Variants in SGCZ observed in about 807,000 individuals in gnomAD.
SGCZ encodes the protein zeta-sarcoglycan.
A neutral mutation model predicts 41.3 loss-of-function variants in SGCZ; 40 were observed. The observed-to-expected ratio is 0.97, with a 90% CI of 0.75 to 1.26. The LOEUF is 1.26. SGCZ is among the 50% of genes most tolerant of loss of function. The probability of loss-of-function intolerance (pLI) is 0.00; values close to 1 mark genes in which losing one functional copy is unlikely to be tolerated. For missense variants in SGCZ, 552 were observed against 369.8 expected, an observed-to-expected ratio of 1.49 and a Z score of -4.04; for synonymous variants, 206 against 137.5, an observed-to-expected ratio of 1.50 and a Z score of -3.49.
chr8:14,255,418 C>T (rs1799425898), intron 3 of SGCZ, among the ~76,000 whole-genome samples: 1 of 152,120 alleles, frequency 6.6e-6, no homozygotes, highest in Non-Finnish European at 1.5e-5. Flanking sequence ...ACACAATATA[C>T]TTGTCCTTTT....
intron 1 of SGCZ, among the ~76,000 whole-genome samples, chr8:14,817,459 T>C (rs1161655836): frequency 1.3e-5 from 2 of 152,254 alleles, no homozygotes; most frequent in South Asian, 2.1e-4. Context: ...GCCCTTACCC[T>C]TGCAACCTAA....
At position 14,611,552 on chromosome 8, in the gene SGCZ, T is replaced by C. The variant is rs6985465; in HGVS notation, c.40-56626A>G. Among the ~76,000 whole-genome samples the C allele has an allele frequency of 4.0e-3, 603 of 152,296 alleles. 4 individuals carry two copies. Among genetic ancestry groups the C allele is most frequent in the African/African-American group, 0.012 (494 of 41,572 alleles). ...CATGAATTAATGAAGAGTCCTCCAG[T>C]AATTTAGAGTGATTTATTTTGTCCT... On this transcript the variant is annotated intron_variant, in intron 1 of 7. Transcript: ENST00000382080.
At chr8:14,215,581 A>G (rs533297850) in intron 4 of SGCZ, among the ~76,000 whole-genome samples, 1 of 152,078 alleles carries the variant, frequency 6.6e-6, no homozygotes, top group Non-Finnish European at 1.5e-5. Context: ...TTTGAAAAAA[A>G]TTTAAGCCAT....
At chr8:15,232,785 A>G (rs904471290) in intron 1 of SGCZ, among the ~76,000 whole-genome samples, 1 of 126,598 alleles carries the variant, frequency 7.9e-6, no homozygotes, top group Admixed American at 9.0e-5. Context: ...ATACATATAT[A>G]TGTGTGTATA....
chr8:14,227,780 T>G (rs538055530), intron 4 of SGCZ, among the ~76,000 whole-genome samples: 6 of 152,162 alleles, frequency 3.9e-5, no homozygotes, highest in African/African-American at 1.4e-4. Context: ...AATTTTCTAT[T>G]CCCACTACGG....
chr8:14,440,723 ACG>A (rs1800229721), intron 2 of SGCZ, among the ~76,000 whole-genome samples: 2 of 84,392 alleles, frequency 2.4e-5, no homozygotes, highest in Non-Finnish European at 5.9e-5. Context: ...ATACGTATAC[ACG>A]TATATGTATA....
intron 1 of SGCZ, among the ~76,000 whole-genome samples, chr8:15,104,817 T>C (rs1380212844): frequency 1.3e-5 from 2 of 152,312 alleles, no homozygotes; most frequent in African/African-American, 2.4e-5. Flanking sequence ...CTGTTACCCA[T>C]TTACATGGTT....
chr8:14,472,502 T>C (rs1801241471), intron 2 of SGCZ, among the ~76,000 whole-genome samples: 1 of 152,108 alleles, frequency 6.6e-6, no homozygotes, highest in African/African-American at 2.4e-5. Context: ...ATGTGATACT[T>C]TTAACACACA....
intron 4 of SGCZ, among the ~76,000 whole-genome samples, chr8:14,204,255 G>A (rs1805547011): frequency 1.3e-5 from 2 of 150,436 alleles, no homozygotes; most frequent in African/African-American, 4.9e-5. Context: ...CTTGCTATTT[G>A]GGTTCTTCTC....
At chr8:14,870,843 C>G (rs1003383253) in intron 1 of SGCZ, among the ~76,000 whole-genome samples, 1 of 152,118 alleles carries the variant, frequency 6.6e-6, no homozygotes, top group African/African-American at 2.4e-5. Flanking sequence ...CATCACTGGT[C>G]GTTAGAGAAA....
intron 1 of SGCZ, among the ~76,000 whole-genome samples, chr8:15,135,632 T>C (rs1210760823): frequency 6.6e-6 from 1 of 152,168 alleles, no homozygotes; most frequent in Non-Finnish European, 1.5e-5. Flanking sequence ...CTCTTAGAAA[T>C]TGTGGCTCTG....
At chr8:15,062,963 A>G (rs1278338394) in intron 1 of SGCZ, among the ~76,000 whole-genome samples, 1 of 152,124 alleles carries the variant, frequency 6.6e-6, no homozygotes, top group Non-Finnish European at 1.5e-5. Flanking sequence ...GAAAGATACT[A>G]AAAAGAATGT....
intron 1 of SGCZ, among the ~76,000 whole-genome samples, chr8:15,153,603 G>A (rs546577715): frequency 7.2e-5 from 11 of 152,096 alleles, no homozygotes; most frequent in African/African-American, 9.7e-5. Context: ...CTATCTCCTC[G>A]GTGGTTAAGT....
At chr8:14,501,759 T>A (rs941522130) in intron 2 of SGCZ, among the ~76,000 whole-genome samples, 1 of 152,044 alleles carries the variant, frequency 6.6e-6, no homozygotes, top group Non-Finnish European at 1.5e-5. Context: ...TAGCAGACTA[T>A]TCCCTCCAAA....
chr8:14,484,044 T>C (rs900624680), intron 2 of SGCZ, among the ~76,000 whole-genome samples: 2 of 152,170 alleles, frequency 1.3e-5, no homozygotes, highest in Non-Finnish European at 2.9e-5. Flanking sequence ...CTGGAAAATA[T>C]GCCACTTTAT....
chr8:14,589,237 T>G (rs569957396), intron 1 of SGCZ, among the ~76,000 whole-genome samples: 2 of 151,574 alleles, frequency 1.3e-5, no homozygotes, highest in African/African-American at 4.8e-5. Context: ...TCCCCGCTAT[T>G]TGGGAGGCTG....
intron 2 of SGCZ, among the ~76,000 whole-genome samples, chr8:14,453,736 T>G (rs549351217): frequency 2.0e-5 from 3 of 152,358 alleles, no homozygotes; most frequent in African/African-American, 7.2e-5. Flanking sequence ...TTCTCATCTT[T>G]AACAATGTTC....
At chr8:14,336,339 A>G (rs1585378763) in intron 2 of SGCZ, among the ~76,000 whole-genome samples, 1 of 152,132 alleles carries the variant, frequency 6.6e-6, no homozygotes. Flanking sequence ...TCAGCCTGCT[A>G]TTGATGGGCA....
intron 2 of SGCZ, among the ~76,000 whole-genome samples, chr8:14,461,670 C>T (rs1800905923): frequency 1.3e-5 from 2 of 152,050 alleles, no homozygotes; most frequent in South Asian, 4.1e-4. Context: ...CTTCTACAAA[C>T]CATGCAGAAA....
Sources: gnomAD v4.1 joint callset for allele counts (sites outside exome capture counted in the v4.1 genomes callset) on GRCh38, gnomAD v4.1.1 for gene constraint, MANE v1.5 for transcripts, NCBI Gene and HGNC (gene_info 2026-07-23, HGNC 2026-07-21) for gene names.